Variants in LDLRAD4 observed in about 807,000 individuals in gnomAD.
The protein encoded by LDLRAD4 is low-density lipoprotein receptor class A domain-containing protein 4.
LDLRAD4 carries 5 observed loss-of-function variants against 17.0 expected under a neutral mutation model. That is an observed-to-expected ratio of 0.29 (90% CI 0.15 to 0.62). LDLRAD4 has a LOEUF of 0.62. Ranked by LOEUF, LDLRAD4 falls within the 20% of genes least tolerant of loss-of-function variation. The pLI, the probability that LDLRAD4 is intolerant of heterozygous loss-of-function variation, is 0.84. For missense variants in LDLRAD4, 340 were observed against 424.7 expected (o/e 0.80, Z 1.75); for synonymous variants, 168 against 171.8 (o/e 0.98, Z 0.17).
At chr18:13,623,594 C>A (rs545117689) in intron 4 of LDLRAD4, among the ~76,000 whole-genome samples, 1 of 152,342 alleles carries the variant, frequency 6.6e-6, no homozygotes, top group South Asian at 2.1e-4. Context: ...CATTCCAGCA[C>A]GATGACCAGA....
chr18:13,537,253 T>TTAACCTAGTACTCAG (rs1429102230), intron 3 of LDLRAD4, among the ~76,000 whole-genome samples: 1 of 152,194 alleles, frequency 6.6e-6, no homozygotes, highest in Non-Finnish European at 1.5e-5. Context: ...GTAGGTGTAC[T>TTAACCTAGTACTCAG]TACATAAACC....
intron 1 of LDLRAD4, among the ~76,000 whole-genome samples, chr18:13,294,158 T>C (rs1475426434): frequency 6.6e-6 from 1 of 152,244 alleles, no homozygotes; most frequent in Non-Finnish European, 1.5e-5. Context: ...AATGGAACAC[T>C]GCGCATAAAT....
chr18:13,601,200 C>T (rs184179189), intron 3 of LDLRAD4, among the ~76,000 whole-genome samples: 24 of 152,220 alleles, frequency 1.6e-4, no homozygotes, highest in East Asian at 3.9e-4. Flanking sequence ...ATATTTTAAA[C>T]GCAGAAATCT....
intron 3 of LDLRAD4, chr18:13,522,467 C>A (rs1249626605): frequency 1.3e-5 from 2 of 152,044 alleles, no homozygotes; most frequent in Non-Finnish European, 2.9e-5. Context: ...GGCTAGTCTG[C>A]ATATCTCGTA....
chr18:13,540,920 C>T (rs1383022894), intron 3 of LDLRAD4, among the ~76,000 whole-genome samples: 1 of 152,156 alleles, frequency 6.6e-6, no homozygotes, highest in Non-Finnish European at 1.5e-5. Context: ...CCTGTGGGCA[C>T]CTTCATGTGG....
intron 2 of LDLRAD4, among the ~76,000 whole-genome samples, chr18:13,416,571 C>G (rs1022746997): frequency 6.6e-6 from 1 of 152,186 alleles, no homozygotes; most frequent in Non-Finnish European, 1.5e-5. Flanking sequence ...AAAGAAAGCT[C>G]TGTGTCTACT....
At chr18:13,462,085 G>A (rs2092453795) in intron 3 of LDLRAD4, 1 of 152,290 alleles carries the variant, frequency 6.6e-6, no homozygotes, top group South Asian at 2.1e-4. Flanking sequence ...TGCTTGCCTG[G>A]GTGGATGAGC....
chr18:13,220,999 T>G (rs1057183605), intron 1 of LDLRAD4, among the ~76,000 whole-genome samples: 5 of 152,210 alleles, frequency 3.3e-5, no homozygotes, highest in African/African-American at 1.2e-4. Flanking sequence ...CAGGAATTCT[T>G]GAAATTGTAG....
At chr18:13,496,872 C>A (rs533367180) in intron 3 of LDLRAD4, among the ~76,000 whole-genome samples, 1 of 152,226 alleles carries the variant, frequency 6.6e-6, no homozygotes, top group Admixed American at 6.5e-5. Context: ...GCAGCCAGCC[C>A]GAACCTGGGC....
intron 4 of LDLRAD4, among the ~76,000 whole-genome samples, chr18:13,628,961 G>C (rs2041416264): frequency 6.6e-6 from 1 of 152,170 alleles, no homozygotes. Context: ...CTCCTGCGTA[G>C]CTGTGACTAT....
At chr18:13,222,806 TC>T (rs1461010098) in intron 1 of LDLRAD4, among the ~76,000 whole-genome samples, 1 of 152,216 alleles carries the variant, frequency 6.6e-6, no homozygotes, top group African/African-American at 2.4e-5. Flanking sequence ...CTCCCGTTCT[TC>T]CTCTGAGCAG....
chr18:13,387,400 G>C (rs916229421), exon 2 of LDLRAD4: 1 of 286,694 alleles, frequency 3.5e-6, no homozygotes, highest in African/African-American at 2.3e-5. Flanking sequence ...GTGCAGGTGC[G>C]ACCCTGCAGG....
At chr18:13,291,598 G>C (rs1005174809) in intron 1 of LDLRAD4, among the ~76,000 whole-genome samples, 2 of 152,108 alleles carry the variant, frequency 1.3e-5, no homozygotes, top group Admixed American at 1.3e-4. Context: ...AGTAGGCTCT[G>C]CAGGCTGGCC....
intron 1 of LDLRAD4, among the ~76,000 whole-genome samples, chr18:13,242,979 GGCCTGCTCTGCGCCTGGC>G (rs1172491451): frequency 6.6e-6 from 1 of 152,146 alleles, no homozygotes; most frequent in Non-Finnish European, 1.5e-5. Context: ...TCTCCCTGCC[GGCCTGCTCTGCGCCTGGC>G]GCCTGCTCTG....
chr18:13,649,795 T>C (rs1346715058), exon 6 of LDLRAD4: 5 of 378,364 alleles, frequency 1.3e-5, no homozygotes, highest in Non-Finnish European at 2.3e-5. Flanking sequence ...TTTGTGTTGC[T>C]TGCTTAAGTG....
In LDLRAD4 at chr18:13,363,303, A is replaced by T. The variant is rs565546271; in HGVS notation, c.-382-24038A>T. Among the ~76,000 whole-genome samples the T allele has an allele frequency of 9.5e-5, 13 of 136,560 alleles. No individual in the cohort carries two copies. The East Asian group carries it at 2.7e-3, about 28-fold the overall frequency. 89.6% of individuals were successfully genotyped at this position (136,560 alleles called of 152,430 possible). ...GCCGAGATCGCGCCACTGCACTCCA[A>T]CCTGGGCGACAGAGCAAGACTCCGT... On this transcript the variant is annotated intron_variant, in intron 1 of 5. Transcript: ENST00000359446.
chr18:13,230,252 G>A (rs751192013), intron 1 of LDLRAD4, among the ~76,000 whole-genome samples: 3 of 152,112 alleles, frequency 2.0e-5, no homozygotes, highest in Non-Finnish European at 4.4e-5. Flanking sequence ...CCAGAACTAG[G>A]AGCAACACAT....
intron 3 of LDLRAD4, chr18:13,514,836 G>A (rs2093838848): frequency 6.6e-6 from 1 of 152,212 alleles, no homozygotes; most frequent in Non-Finnish European, 1.5e-5. Context: ...GCACAGGTGA[G>A]AGTTGTAGGT....
At chr18:13,271,777 C>G (rs1036522614) in intron 1 of LDLRAD4, among the ~76,000 whole-genome samples, 2 of 151,362 alleles carry the variant, frequency 1.3e-5, no homozygotes, top group Non-Finnish European at 2.9e-5. Context: ...ACATAGACTG[C>G]TTTTGCTTTG....
Sources: allele counts gnomAD v4.1 joint callset (sites outside exome capture counted in the v4.1 genomes callset), GRCh38; gene constraint gnomAD v4.1.1; transcripts MANE v1.5; gene names NCBI Gene and HGNC (gene_info 2026-07-23, HGNC 2026-07-21).